Variants in REST observed in about 807,000 individuals in gnomAD.
REST encodes RE1 silencing transcription factor, also known as RE1-silencing transcription factor.
REST carries 1 observed loss-of-function variant against 30.4 expected under a neutral mutation model. The ratio of observed to expected loss-of-function variants is 0.03; its 90% CI spans 0.01 to 0.16. REST has a LOEUF of 0.16. REST is among the 10% of genes least tolerant of loss of function. The pLI is 1.00. For synonymous variants in REST, 504 were observed against 451.1 expected (o/e 1.12, Z -1.49); for missense variants, 1,259 against 1,329.5 (o/e 0.95, Z 0.82).
At position 56,931,506 on chromosome 4, in the gene REST, T is replaced by A; in HGVS notation, c.2648T>A (p.Leu883His). Residue 883 changes from leucine to histidine, a missense_variant, in exon 4 of 4, where the codon CTC becomes CAC. Leu to His is a moderately conservative substitution (Grantham distance 99). Around this residue, in one of 5 missense-constraint regions of REST, gnomAD observed 856 missense variants for 772.8 expected, o/e 1.11. Coordinates refer to ENST00000309042, the MANE Select transcript of REST (RefSeq NM_005612.5). Reference sequence around the variant, plus strand: ...GAGGCATCAGGAGACCAAAAATTACTCAACACAGGTGAAGGAAATAAAGAA... The same window carrying A: ...GAGGCATCAGGAGACCAAAAATTACACAACACAGGTGAAGGAAATAAAGAA... ...REEASGDQKL[L>H]NTGEGNKEAP... The A allele has an allele frequency of 6.2e-7, 1 of 1,614,090 alleles. No individual in the cohort carries two copies. The highest frequency in any genetic ancestry group is 8.5e-7 in the Non-Finnish European group (1 of 1,180,028).
Position 56,910,916 on chromosome 4 carries a change from T to C in REST, c.278T>C (p.Leu93Pro), listed in dbSNP as rs1044394452. Residue 93 changes from leucine (L) to proline (P), a missense_variant, in exon 2 of 4, where the codon CTT (leucine) becomes CCT (proline). Coordinates refer to ENST00000309042, the MANE Select transcript of REST (RefSeq NM_005612.5). ...TCAGATAGTGAAGAAGGAGAAGGAC[T>C]TGAAGAGTCTGCTGATATAAAAGGT... ...NFSDSEEGEG[L>P]EESADIKGEP... is the part of the protein sequence containing the mutation. The C allele has an allele frequency of 1.2e-6, 2 of 1,614,206 alleles. No individual in the cohort carries two copies. Among genetic ancestry groups the C allele is most frequent in the African/African-American group, 2.7e-5 (2 of 75,050 alleles).
chr4:56,932,137 T>A lies in REST; in HGVS notation c.3279T>A (p.Ala1093=). Reference sequence around the variant, plus strand: ...ATGTGTACTATCTTGAAGAAGCAGCTCAAGGGCAGGAGTAATGAAACTTTG... The same window carrying A: ...ATGTGTACTATCTTGAAGAAGCAGCACAAGGGCAGGAGTAATGAAACTTTG... ...LVNVYYLEEA[A]QGQE Residue 1093 remains alanine (A), a synonymous_variant, in exon 4 of 4, where the codon GCT becomes GCA. Transcript: ENST00000309042. The A allele has an allele frequency of 1.2e-6, 2 of 1,606,650 alleles. No individual in the cohort carries two copies. The highest frequency in any genetic ancestry group is 1.7e-6 in the Non-Finnish European group (2 of 1,175,046).
In REST at chr4:56,919,766, T is replaced by G. The variant is rs375869240; in HGVS notation, c.899-21T>G. On this transcript the variant is annotated intron_variant, in intron 2 of 3. Coordinates refer to ENST00000309042, the MANE Select transcript of REST (RefSeq NM_005612.5). ...CTATTTCGTGACATTTAAACACTCTTATATTATTGAAATTTTGCAGGAGAA... is the reference window on the plus strand; with the variant it reads ...CTATTTCGTGACATTTAAACACTCTGATATTATTGAAATTTTGCAGGAGAA... The G allele has an allele frequency of 2.5e-5, 37 of 1,504,104 alleles. No individual in the cohort carries two copies. In the African/African-American group the frequency reaches 5.1e-4, roughly 21 times the overall value. 93.2% of individuals were successfully genotyped at this position (1,504,104 alleles called of 1,614,324 possible). A position where few individuals can be genotyped will look rare whatever the true frequency, so the allele number is the denominator to read the frequency against.
intron 1 of REST, among the ~76,000 whole-genome samples, chr4:56,908,477 C>T (rs1199371920): frequency 6.6e-6 from 1 of 151,984 alleles, no homozygotes; most frequent in Non-Finnish European, 1.5e-5. Flanking sequence ...CCACTGGAGG[C>T]TGGGACGCCG....
chr4:56,926,761 A>T (rs533605950), intron 3 of REST, among the ~76,000 whole-genome samples: 138 of 152,012 alleles, frequency 9.1e-4, no homozygotes, highest in African/African-American at 3.2e-3. Context: ...CTTTACATAG[A>T]TTAGATTATT....
intron 2 of REST, among the ~76,000 whole-genome samples, chr4:56,915,142 C>A (rs1433385657): frequency 6.6e-6 from 1 of 150,898 alleles, no homozygotes; most frequent in African/African-American, 2.4e-5. Context: ...AGGCTGGTCT[C>A]GAACTCCCGG....
At chr4:56,908,665 G>T (rs1719737390) in intron 1 of REST, among the ~76,000 whole-genome samples, 1 of 152,126 alleles carries the variant, frequency 6.6e-6, no homozygotes, top group Admixed American at 6.5e-5. Context: ...TCTCCCTGTC[G>T]CCGGAAGGCG....
At chr4:56,913,247 C>A (rs1720017406) in intron 2 of REST, among the ~76,000 whole-genome samples, 1 of 152,178 alleles carries the variant, frequency 6.6e-6, no homozygotes, top group Admixed American at 6.5e-5. Flanking sequence ...ACAGCCTCTA[C>A]CTCCTGGGTT....
intron 2 of REST, among the ~76,000 whole-genome samples, chr4:56,918,622 C>T (rs1249293753): frequency 3.3e-5 from 5 of 151,836 alleles, no homozygotes; most frequent in East Asian, 1.9e-4. Flanking sequence ...ATAGTGGTGC[C>T]GTCATAGCTC....
In REST at chr4:56,932,137, T is replaced by C. The variant is rs775626300; in HGVS notation, c.3279T>C (p.Ala1093=). Residue 1093 remains alanine, a synonymous_variant, in exon 4 of 4, where the codon GCT becomes GCC. Transcript: ENST00000309042. ...ATGTGTACTATCTTGAAGAAGCAGC[T>C]CAAGGGCAGGAGTAATGAAACTTTG... ...LVNVYYLEEA[A]QGQE is the part of the protein sequence containing the mutation. 3.7e-6 allele frequency: 6 copies of C among 1,606,650 alleles called. No individual in the cohort carries two copies. The South Asian group carries it at 5.5e-5, about 15-fold the overall frequency.
intron 3 of REST, among the ~76,000 whole-genome samples, chr4:56,920,571 T>A (rs1720401823): frequency 6.6e-6 from 1 of 151,932 alleles, no homozygotes; most frequent in South Asian, 2.1e-4. Context: ...GAGACTAGCC[T>A]GACCAACATG....
intron 1 of REST, chr4:56,909,665 T>C (rs949219754): frequency 2.0e-5 from 3 of 152,256 alleles, no homozygotes; most frequent in Non-Finnish European, 4.4e-5. Context: ...TTTAACTTTA[T>C]TTTCTTAGAA....
chr4:56,916,492 C>G (rs1467415826), intron 2 of REST, among the ~76,000 whole-genome samples: 3 of 152,074 alleles, frequency 2.0e-5, no homozygotes, highest in African/African-American at 7.2e-5. Flanking sequence ...CCTGTCTCTA[C>G]TAAAAATACA....
At chr4:56,922,248 G>A (rs891778099) in intron 3 of REST, 1 of 148,332 alleles carries the variant, frequency 6.7e-6, no homozygotes, top group African/African-American at 2.5e-5. Flanking sequence ...AGTTGTACTA[G>A]CTTTTTAGTA....
chr4:56,911,492 C>T lies in REST; in HGVS notation c.854C>T (p.Ser285Leu), dbSNP rs750258882. The T allele has an allele frequency of 6.2e-7, 1 of 1,613,906 alleles. No individual in the cohort carries two copies. The highest frequency in any genetic ancestry group is 8.5e-7 in the Non-Finnish European group (1 of 1,179,892). Residue 285 changes from serine to leucine, a missense_variant, in exon 2 of 4, where the codon TCA (serine) becomes TTA (leucine). By Grantham distance (145) the Ser-to-Leu change is moderately radical (BLOSUM62 -2). Transcript: ENST00000309042. ...ACATGTGGAAAATGCAACTATTTTT[C>T]AGACAGAAAAAACAATTATGTTCAG... ...VYTCGKCNYF[S>L]DRKNNYVQHV...
At chr4:56,927,099 GAAA>G (rs11378040) in intron 3 of REST, among the ~76,000 whole-genome samples, 1 of 145,546 alleles carries the variant, frequency 6.9e-6, no homozygotes, top group East Asian at 2.0e-4. Flanking sequence ...TCCATCTCAA[GAAA>G]AAAAAAAAAG....
At chr4:56,915,169 C>T (rs1332169678) in intron 2 of REST, among the ~76,000 whole-genome samples, 3 of 150,724 alleles carry the variant, frequency 2.0e-5, no homozygotes, top group Admixed American at 6.6e-5. Context: ...GTGATCCACC[C>T]GCCGCGGCCT....
chr4:56,931,536 C>T lies in REST; in HGVS notation c.2678C>T (p.Pro893Leu), dbSNP rs755158365. The part of the protein sequence containing the change: ...LNTGEGNKEA[P>L]LQKVGAEEAD... The stretch of plus-strand genomic sequence containing the variant: ...ACAGGTGAAGGAAATAAAGAAGCCC[C>T]TCTTCAGAAAGTAGGAGCAGAAGAG... The change falls in exon 4 of 4, where the codon CCT becomes CTT. Residue 893 changes from proline to leucine, a missense_variant. This residue lies in a region of REST where 856 missense variants were observed against 772.8 expected (regional missense o/e 1.11). Transcript: ENST00000309042. 3 of 1,614,182 alleles carry T rather than the reference C, an allele frequency of 1.9e-6. No individual in the cohort carries two copies. Among genetic ancestry groups the T allele is most frequent in the Non-Finnish European group, 2.5e-6 (3 of 1,180,044 alleles).
chr4:56,919,578 G>A (rs975734807), intron 2 of REST, among the ~76,000 whole-genome samples: 2 of 152,112 alleles, frequency 1.3e-5, no homozygotes, highest in African/African-American at 4.8e-5. Context: ...TTGTTTTCTT[G>A]TCAGCAAAGC....
Sources: gnomAD v4.1 joint callset for allele counts (sites outside exome capture counted in the v4.1 genomes callset) on GRCh38, gnomAD v4.1.1 for gene constraint, gnomAD v4.1.1 regional missense constraint, MANE v1.5 for transcripts, NCBI Gene and HGNC (gene_info 2026-07-23, HGNC 2026-07-21) for gene names.